Variants in MLLT10 observed in about 807,000 individuals in gnomAD.
The protein encoded by MLLT10 is MLLT10 histone lysine methyltransferase DOT1L cofactor.
In MLLT10, 30 loss-of-function variants were observed where a neutral mutation model predicts 129.1. The observed-to-expected ratio is 0.23, with a 90% CI of 0.17 to 0.32. MLLT10 has a LOEUF of 0.32. Ranked by LOEUF, MLLT10 falls within the 10% of genes least tolerant of loss-of-function variation. The pLI is 1.00. For synonymous variants in MLLT10, 490 were observed against 446.4 expected (o/e 1.10, Z -1.23); for missense variants, 1,119 against 1,268.3 (o/e 0.88, Z 1.79).
intron 3 of MLLT10, among the ~76,000 whole-genome samples, chr10:21,545,601 T>A (rs1243687538): frequency 6.6e-6 from 1 of 152,160 alleles, no homozygotes. Flanking sequence ...TAGATAGACA[T>A]TGATTGTTTA....
At chr10:21,571,293 G>T (rs529992468) in intron 3 of MLLT10, among the ~76,000 whole-genome samples, 2 of 152,294 alleles carry the variant, frequency 1.3e-5, no homozygotes, top group African/African-American at 4.8e-5. Context: ...AAGTTCTAGG[G>T]TGAGCCTTTG....
intron 5 of MLLT10, among the ~76,000 whole-genome samples, chr10:21,611,249 TC>T (rs1431873169): frequency 2.6e-5 from 4 of 151,352 alleles, no homozygotes; most frequent in Admixed American, 6.6e-5. Flanking sequence ...CCTCAGGTGA[TC>T]CACCCATCTC....
intron 13 of MLLT10, among the ~76,000 whole-genome samples, chr10:21,705,566 G>A (rs1165102392): frequency 3.3e-5 from 5 of 152,186 alleles, no homozygotes; most frequent in African/African-American, 1.2e-4. Context: ...GGCCATGTTA[G>A]TGGAGGCAAG....
In MLLT10 at chr10:21,727,928, G is replaced by C; in HGVS notation, c.2063G>C (p.Arg688Pro). 4 of 1,613,692 alleles carry C rather than the reference G, an allele frequency of 2.5e-6. No individual in the cohort carries two copies. Among genetic ancestry groups the C allele is most frequent in the Non-Finnish European group, 2.5e-6 (3 of 1,179,802 alleles). Residue 688 changes from arginine (R) to proline (P), a missense_variant and splice_region_variant, in exon 16 of 23, where the codon CGA becomes CCA. Around this residue, in one of 5 missense-constraint regions of MLLT10, gnomAD observed 1,004 missense variants for 1,008.7 expected, o/e 1.00. Coordinates refer to ENST00000307729, the MANE Select transcript of MLLT10 (RefSeq NM_001195626.3). The part of the protein sequence containing the change: ...GSSPRGSLSP[R>P]SPVSSLQIRY... ...TCACCCCGAGGAAGTCTCTCGCCACGGTAAGCGCTATTTACACTGCAAAGT... is the reference window on the plus strand; with the variant it reads ...TCACCCCGAGGAAGTCTCTCGCCACCGTAAGCGCTATTTACACTGCAAAGT...
At chr10:21,653,237 T>C (rs1752559819) in intron 9 of MLLT10, among the ~76,000 whole-genome samples, 1 of 152,222 alleles carries the variant, frequency 6.6e-6, no homozygotes, top group Non-Finnish European at 1.5e-5. Context: ...GGTTCTTATC[T>C]GAAAGAATCT....
At chr10:21,570,053 G>T (rs2040035197) in intron 3 of MLLT10, among the ~76,000 whole-genome samples, 1 of 152,094 alleles carries the variant, frequency 6.6e-6, no homozygotes, top group Non-Finnish European at 1.5e-5. Context: ...GGGATTACAG[G>T]CATGTGTCAC....
intron 4 of MLLT10, among the ~76,000 whole-genome samples, chr10:21,593,623 T>C (rs2042719091): frequency 6.6e-6 from 1 of 151,980 alleles, no homozygotes; most frequent in Admixed American, 6.6e-5. Context: ...TGCTGGAAAT[T>C]ATATGTAATG....
intron 5 of MLLT10, among the ~76,000 whole-genome samples, chr10:21,596,743 C>T (rs891097260): frequency 1.3e-5 from 2 of 150,862 alleles, no homozygotes; most frequent in African/African-American, 4.9e-5. Context: ...ATTGACCTTC[C>T]ATATCTGTTT....
intron 8 of MLLT10, among the ~76,000 whole-genome samples, chr10:21,637,706 G>A (rs558442606): frequency 1.8e-4 from 28 of 152,262 alleles, no homozygotes; most frequent in African/African-American, 6.7e-4. Context: ...CATATTGGAG[G>A]GCTTTGACAC....
chr10:21,636,579 C>CTTT (rs895419724), intron 8 of MLLT10, among the ~76,000 whole-genome samples: 1 of 142,858 alleles, frequency 7.0e-6, no homozygotes, highest in Non-Finnish European at 1.5e-5. Context: ...CTTTTCTTTT[C>CTTT]TTTTTTTTTT....
At chr10:21,549,892 G>T (rs2130942700) in intron 3 of MLLT10, among the ~76,000 whole-genome samples, 1 of 152,200 alleles carries the variant, frequency 6.6e-6, no homozygotes, top group Non-Finnish European at 1.5e-5. Flanking sequence ...GCCCGCCTTG[G>T]CCTCCCAAAG....
intron 5 of MLLT10, among the ~76,000 whole-genome samples, chr10:21,602,701 A>AT (rs2043658999): frequency 6.6e-6 from 1 of 151,036 alleles, no homozygotes; most frequent in Non-Finnish European, 1.5e-5. Flanking sequence ...TCACATAAAC[A>AT]TTTAAATGGA....
chr10:21,644,223 T>C (rs2048275545), intron 8 of MLLT10, among the ~76,000 whole-genome samples: 2 of 152,234 alleles, frequency 1.3e-5, no homozygotes, highest in African/African-American at 4.8e-5. Flanking sequence ...TAGGTTGTGA[T>C]ATTTGGCTAT....
chr10:21,649,196 C>G (rs1341009527), intron 8 of MLLT10, among the ~76,000 whole-genome samples: 1 of 152,094 alleles, frequency 6.6e-6, no homozygotes, highest in Admixed American at 6.5e-5. Flanking sequence ...CCGCCTTGGC[C>G]CTCTTAGTAG....
At chr10:21,558,468 A>AAAAG (rs1454958160) in intron 3 of MLLT10, among the ~76,000 whole-genome samples, 1 of 152,120 alleles carries the variant, frequency 6.6e-6, no homozygotes, top group East Asian at 1.9e-4. Context: ...GAAAAAAGAA[A>AAAAG]AAAATCAAAA....
chr10:21,553,230 C>G (rs1323441935), intron 3 of MLLT10, among the ~76,000 whole-genome samples: 1 of 151,866 alleles, frequency 6.6e-6, no homozygotes, highest in Non-Finnish European at 1.5e-5. Context: ...ACATAGAATT[C>G]TTGGTTGGAA....
intron 5 of MLLT10, among the ~76,000 whole-genome samples, chr10:21,595,855 C>G (rs1431536660): frequency 1.3e-5 from 2 of 151,894 alleles, no homozygotes; most frequent in African/African-American, 4.8e-5. Context: ...TTACTTGTCT[C>G]CTCCTCCCAA....
rs35043348 is a variant in MLLT10, at chr10:21,704,611, CT to C, written c.1700-9146del. Among the ~76,000 whole-genome samples, 572 of 128,158 alleles carry C rather than the reference CT, an allele frequency of 4.5e-3. 6 individuals are homozygous for C. The highest frequency in any genetic ancestry group is 0.013 in the African/African-American group (454 of 33,918). The allele number at this position is 128,158 out of a possible 152,430, so 84.1% of individuals were successfully genotyped here. A position where few individuals can be genotyped will look rare whatever the true frequency, so the allele number is the denominator to read the frequency against. ...GCCCTTTGGAGGTGTCTCTCTCTCGCTTTTTTTTTTTTTTTGGCTTTTTAAT... is the reference window on the plus strand; with the variant it reads ...GCCCTTTGGAGGTGTCTCTCTCTCGCTTTTTTTTTTTTTTGGCTTTTTAAT... On this transcript the variant is annotated intron_variant, in intron 13 of 22. Transcript: ENST00000307729.
chr10:21,553,161 T>A (rs566637864), intron 3 of MLLT10, among the ~76,000 whole-genome samples: 2 of 152,078 alleles, frequency 1.3e-5, no homozygotes, highest in Non-Finnish European at 1.5e-5. Flanking sequence ...AGAAATAAAT[T>A]AGGGTTTTGC....
Sources: allele counts gnomAD v4.1 joint callset (sites outside exome capture counted in the v4.1 genomes callset), GRCh38; gene constraint gnomAD v4.1.1; regional missense constraint gnomAD v4.1.1; transcripts MANE v1.5; gene names NCBI Gene and HGNC (gene_info 2026-07-23, HGNC 2026-07-21).